The following TBC1D32 variants were observed in gnomAD, a reference collection of about 807,000 sequenced individuals.
TBC1D32 encodes TBC1 domain family member 32.
In TBC1D32, 151 loss-of-function variants were observed where a neutral mutation model predicts 170.3. The observed-to-expected ratio is 0.89, with a 90% CI of 0.78 to 1.01. The LOEUF is 1.01. Ranked by LOEUF, TBC1D32 falls within the 50% of genes least tolerant of loss-of-function variation. The pLI is 0.00. For synonymous variants in TBC1D32, 498 were observed against 488.0 expected (o/e 1.02, Z -0.27); for missense variants, 1,464 against 1,457.1 (o/e 1.00, Z -0.08).
intron 19 of TBC1D32, among the ~76,000 whole-genome samples, chr6:121,240,477 T>G (rs117677352): frequency 0.036 from 5,399 of 151,294 alleles, 360 homozygotes; most frequent in Admixed American, 0.18. Context: ...TATTTGTATT[T>G]AAAGAGAGAA....
intron 22 of TBC1D32, chr6:121,162,885 G>A (rs1340005989): frequency 1.9e-5 from 2 of 107,656 alleles, no homozygotes; most frequent in African/African-American, 6.1e-5. Flanking sequence ...GCGAGCCGAA[G>A]CAGGGCGAGG....
intron 22 of TBC1D32, among the ~76,000 whole-genome samples, chr6:121,180,209 C>T (rs189780036): frequency 3.9e-5 from 6 of 152,060 alleles, no homozygotes; most frequent in Admixed American, 2.6e-4. Flanking sequence ...AAAATCTCAG[C>T]GACTTGGTTT....
rs530102858 is a variant in TBC1D32, at chr6:121,180,627, T to G, written c.2571-19571A>C. 2.6e-5 allele frequency among the ~76,000 whole-genome samples: 4 copies of G among 152,196 alleles called. No homozygotes were observed. The South Asian group carries it at 8.3e-4, about 32-fold the overall frequency. On this transcript the variant is annotated intron_variant, in intron 22 of 31. Transcript: ENST00000398212. ...AATGTAAAACCTGAAACTATGAAACTACTAGGAGAAAACGCTGGGGAAACA... is the reference window on the plus strand; with the variant it reads ...AATGTAAAACCTGAAACTATGAAACGACTAGGAGAAAACGCTGGGGAAACA...
chr6:121,107,506 C>G (rs1778809376), intron 29 of TBC1D32, among the ~76,000 whole-genome samples: 1 of 151,702 alleles, frequency 6.6e-6, no homozygotes, highest in East Asian at 1.9e-4. Context: ...AAATGGATAT[C>G]TTGTAGCCAA....
At position 121,168,712 on chromosome 6, in the gene TBC1D32, T is replaced by TAATAAAAAAA. The variant is rs748287642; in HGVS notation, c.2571-7657_2571-7656insTTTTTTTATT. Among the ~76,000 whole-genome samples the TAATAAAAAAA allele has an allele frequency of 5.1e-3, 474 of 93,634 alleles. 4 individuals are homozygous for TAATAAAAAAA. The highest frequency in any genetic ancestry group is 0.029 in the East Asian group (66 of 2,266). The allele number at this position is 93,634 out of a possible 152,430, so 61.4% of individuals were successfully genotyped here. On this transcript the variant is annotated intron_variant, in intron 22 of 31. Coordinates refer to ENST00000398212, the MANE Select transcript of TBC1D32 (RefSeq NM_152730.6). ...ATGTACCCTAAAACTTAGAGTATAA[T>TAATAAAAAAA]AAAAAAAAAAAAAAAAAAAAAATCA...
upstream of TBC1D32, chr6:121,334,644 C>T: frequency 1.7e-6 from 1 of 599,350 alleles, no homozygotes; most frequent in Non-Finnish European, 3.0e-6. Flanking sequence ...TCCGCGAGGT[C>T]TCGCCTCTGG....
intron 30 of TBC1D32, among the ~76,000 whole-genome samples, chr6:121,094,636 C>A (rs1271319766): frequency 1.3e-5 from 2 of 152,068 alleles, no homozygotes; most frequent in Non-Finnish European, 2.9e-5. Flanking sequence ...ATGAACTAGA[C>A]AATTTCAAAT....
intron 30 of TBC1D32, among the ~76,000 whole-genome samples, chr6:121,104,691 C>T (rs1414254924): frequency 6.6e-6 from 1 of 151,550 alleles, no homozygotes; most frequent in Non-Finnish European, 1.5e-5. Context: ...AGATCTCAAA[C>T]TACACTCACT....
intron 22 of TBC1D32, among the ~76,000 whole-genome samples, chr6:121,182,289 CATATTT>C (rs1562801770): frequency 6.6e-6 from 1 of 151,878 alleles, no homozygotes; most frequent in African/African-American, 2.4e-5. Flanking sequence ...TATTTTATCA[CATATTT>C]ATATTTGTAC....
intron 22 of TBC1D32, among the ~76,000 whole-genome samples, chr6:121,182,313 T>C (rs553554854): frequency 2.6e-5 from 4 of 152,038 alleles, no homozygotes; most frequent in African/African-American, 9.7e-5. Context: ...TACTATTTCA[T>C]TAAAAACTGA....
At chr6:121,112,292 A>G (rs919706503) in intron 29 of TBC1D32, 1 of 337,598 alleles carries the variant, frequency 3.0e-6, no homozygotes, top group Non-Finnish European at 5.2e-6. Flanking sequence ...TGCTTCTAAT[A>G]TAAATCATTC....
intron 30 of TBC1D32, among the ~76,000 whole-genome samples, chr6:121,096,912 T>A (rs187511593): frequency 6.6e-6 from 1 of 152,274 alleles, no homozygotes; most frequent in East Asian, 1.9e-4. Flanking sequence ...AACCATCTGT[T>A]CTTTAACAAA....
intron 15 of TBC1D32, among the ~76,000 whole-genome samples, chr6:121,268,453 TACGTG>T (rs1800861768): frequency 6.6e-6 from 1 of 152,102 alleles, no homozygotes. Flanking sequence ...GCATGAGAAC[TACGTG>T]ACGCATGCAA....
intron 31 of TBC1D32, among the ~76,000 whole-genome samples, chr6:121,082,845 T>A (rs966749306): frequency 4.6e-5 from 7 of 152,044 alleles, no homozygotes; most frequent in Admixed American, 3.3e-4. Context: ...GAGATACCCA[T>A]AAAAATGACA....
At chr6:121,239,886 G>A (rs569239426) in intron 19 of TBC1D32, among the ~76,000 whole-genome samples, 4 of 152,114 alleles carry the variant, frequency 2.6e-5, no homozygotes, top group South Asian at 2.1e-4. Flanking sequence ...AACAATATTC[G>A]ATCAGAAAGG....
intron 22 of TBC1D32, among the ~76,000 whole-genome samples, chr6:121,202,178 G>A (rs1357539690): frequency 6.7e-6 from 1 of 149,104 alleles, no homozygotes; most frequent in East Asian, 2.0e-4. Flanking sequence ...ATGTTTAAGT[G>A]TAATAAATTA....
intron 29 of TBC1D32, 79 bp from the exon 30 acceptor site, chr6:121,106,242 A>C: frequency 1.1e-6 from 1 of 897,978 alleles, no homozygotes; most frequent in Non-Finnish European, 1.4e-6. Context: ...AATCCAACAT[A>C]CCTATTTTCC....
At chr6:121,327,154 A>G (rs1359578693) in intron 1 of TBC1D32, among the ~76,000 whole-genome samples, 1 of 152,172 alleles carries the variant, frequency 6.6e-6, no homozygotes, top group Non-Finnish European at 1.5e-5. Flanking sequence ...AAGAGTTAAA[A>G]AAAACTACCT....
chr6:121,115,248 A>T lies in TBC1D32; in HGVS notation c.2984-7T>A. 1 of 1,584,410 alleles carries T rather than the reference A, an allele frequency of 6.3e-7. No individual in the cohort carries two copies. The highest frequency in any genetic ancestry group is 8.6e-7 in the Non-Finnish European group (1 of 1,163,034). ...TTCACATTTGCATCAGTAGCTAAAG[A>T]CAACAGAAAACTGAGTTATAAAGTG... is the stretch of plus-strand genomic sequence containing the variant. On this transcript the variant is annotated splice_region_variant and splice_polypyrimidine_tract_variant and intron_variant, in intron 26 of 31. Transcript: ENST00000398212.
Sources: allele counts gnomAD v4.1 joint callset (sites outside exome capture counted in the v4.1 genomes callset), GRCh38; gene constraint gnomAD v4.1.1; transcripts MANE v1.5; gene names NCBI Gene and HGNC (gene_info 2026-07-23, HGNC 2026-07-21).